The following ITGA9 variants were observed in gnomAD, a reference collection of about 807,000 sequenced individuals.
ITGA9 encodes the protein integrin alpha-9.
ITGA9 carries 56 observed loss-of-function variants against 127.8 expected under a neutral mutation model. That is an observed-to-expected ratio of 0.44 (90% CI 0.35 to 0.55). The LOEUF is 0.55. Among genes scored for constraint, ITGA9 ranks in the 20% least tolerant of loss-of-function variants. ITGA9 has a pLI of 0.00. For synonymous variants in ITGA9, 508 were observed against 514.5 expected, an observed-to-expected ratio of 0.99 and a Z score of 0.17; for missense variants, 1,196 against 1,347.1, an observed-to-expected ratio of 0.89 and a Z score of 1.76.
chr3:37,591,262 C>G (rs1699815414), intron 15 of ITGA9, among the ~76,000 whole-genome samples: 1 of 152,184 alleles, frequency 6.6e-6, no homozygotes, highest in African/African-American at 2.4e-5. Context: ...GTAAAAGGAC[C>G]ATTTGCCTAA....
intron 15 of ITGA9, among the ~76,000 whole-genome samples, chr3:37,600,387 C>T (rs1381453752): frequency 1.3e-5 from 2 of 152,130 alleles, no homozygotes; most frequent in South Asian, 2.1e-4. Flanking sequence ...TCAGTTTAAC[C>T]TGCTGTCCTA....
intron 15 of ITGA9, among the ~76,000 whole-genome samples, chr3:37,561,439 T>C (rs1445357484): frequency 6.6e-6 from 1 of 152,180 alleles, no homozygotes; most frequent in East Asian, 1.9e-4. Flanking sequence ...ATAAAACATA[T>C]GCAGTTCCTG....
chr3:37,619,524 C>A (rs1389217591), intron 15 of ITGA9, among the ~76,000 whole-genome samples: 2 of 152,210 alleles, frequency 1.3e-5, no homozygotes. Context: ...GAGCTTATCC[C>A]ACCCAGCAGC....
chr3:37,631,658 G>C (rs1320151547), intron 16 of ITGA9, among the ~76,000 whole-genome samples: 2 of 152,214 alleles, frequency 1.3e-5, no homozygotes, highest in Non-Finnish European at 2.9e-5. Context: ...ACATGGAAGA[G>C]CTGGCTTCCT....
At chr3:37,719,417 T>A (rs1449427578) in intron 18 of ITGA9, among the ~76,000 whole-genome samples, 1 of 152,070 alleles carries the variant, frequency 6.6e-6, no homozygotes, top group Non-Finnish European at 1.5e-5. Flanking sequence ...TCAGGCCCCA[T>A]CCCTTCATCT....
chr3:37,756,641 A>G (rs1174609085), intron 23 of ITGA9, among the ~76,000 whole-genome samples: 1 of 152,220 alleles, frequency 6.6e-6, no homozygotes, highest in Non-Finnish European at 1.5e-5. Flanking sequence ...CCTATCTCAC[A>G]CTGTAAGGAC....
intron 8 of ITGA9, among the ~76,000 whole-genome samples, 162 bp from the exon 9 acceptor site, chr3:37,513,601 A>T (rs1579077811): frequency 9.5e-6 from 1 of 105,262 alleles, no homozygotes; most frequent in African/African-American, 3.7e-5. Context: ...CCAACCCCAC[A>T]GCAGGCCCTG....
At chr3:37,713,443 A>G (rs567523973) in intron 18 of ITGA9, among the ~76,000 whole-genome samples, 5 of 152,290 alleles carry the variant, frequency 3.3e-5, no homozygotes, top group African/African-American at 1.2e-4. Context: ...GAAGGGACTG[A>G]TGCTGTCTCC....
intron 18 of ITGA9, among the ~76,000 whole-genome samples, chr3:37,693,604 G>A (rs1252447815): frequency 6.6e-6 from 1 of 152,196 alleles, no homozygotes; most frequent in Non-Finnish European, 1.5e-5. Flanking sequence ...AATCTGGATA[G>A]AGCAGGAAGG....
chr3:37,760,969 G>A (rs1696716716), intron 23 of ITGA9, among the ~76,000 whole-genome samples: 1 of 152,190 alleles, frequency 6.6e-6, no homozygotes, highest in African/African-American at 2.4e-5. Flanking sequence ...AAAAATGGTT[G>A]AAGTTATATG....
intron 23 of ITGA9, among the ~76,000 whole-genome samples, chr3:37,759,549 A>G (rs1337715978): frequency 6.6e-6 from 1 of 152,234 alleles, no homozygotes; most frequent in East Asian, 1.9e-4. Flanking sequence ...TGGAAATTAA[A>G]TAAATGAATA....
At chr3:37,524,696 G>A (rs189327404) in intron 12 of ITGA9, among the ~76,000 whole-genome samples, 1 of 152,298 alleles carries the variant, frequency 6.6e-6, no homozygotes. Context: ...AGGATAGGGT[G>A]TTTTCCCCAC....
Position 37,818,968 on chromosome 3 carries a change from C to T in ITGA9, c.3087C>T (p.Asp1029=). The T allele has an allele frequency of 6.2e-7, 1 of 1,613,730 alleles. No homozygotes were observed. Among genetic ancestry groups the T allele is most frequent in the South Asian group, 1.1e-5 (1 of 91,080 alleles). Residue 1029 remains aspartate (D), a synonymous_variant, in exon 28 of 28, where the codon GAC becomes GAT. Transcript: ENST00000264741. Reference sequence around the variant, plus strand: ...GGAAAGAGAATGAAGACAGTTGGGACTGGGTCCAGAAAAACCAGTGAGCTG... The same window carrying T: ...GGAAAGAGAATGAAGACAGTTGGGATTGGGTCCAGAAAAACCAGTGAGCTG... ...KNRKENEDSW[D]WVQKNQ
chr3:37,786,612 A>AAC (rs375907643), intron 26 of ITGA9, among the ~76,000 whole-genome samples: 3 of 62,098 alleles, frequency 4.8e-5, no homozygotes, highest in South Asian at 4.4e-4. Flanking sequence ...AAAAACAAAC[A>AAC]AACAAAAAAA....
intron 18 of ITGA9, among the ~76,000 whole-genome samples, chr3:37,693,787 C>T (rs1700856251): frequency 6.6e-6 from 1 of 152,216 alleles, no homozygotes; most frequent in South Asian, 2.1e-4. Context: ...AAGTGAGCCT[C>T]ATCCCTCAGT....
intron 18 of ITGA9, among the ~76,000 whole-genome samples, chr3:37,716,137 C>CA (rs1486403908): frequency 6.6e-6 from 1 of 152,214 alleles, no homozygotes; most frequent in Non-Finnish European, 1.5e-5. Context: ...TGTGAATTCT[C>CA]AAGCACTTCC....
At chr3:37,612,913 G>A (rs1189474362) in intron 15 of ITGA9, among the ~76,000 whole-genome samples, 1 of 151,716 alleles carries the variant, frequency 6.6e-6, no homozygotes, top group African/African-American at 2.4e-5. Flanking sequence ...GGAGGCCTGG[G>A]GCTGATCTGA....
chr3:37,481,513 C>T lies in ITGA9; in HGVS notation c.450C>T (p.Tyr150=). The change falls in exon 4 of 28, where the codon TAC becomes TAT. Residue 150 remains tyrosine (Y), a synonymous_variant. Coordinates refer to ENST00000264741, the MANE Select transcript of ITGA9 (RefSeq NM_002207.3). ...GTGCTCATCGCTGGAAGAACATCTA[C>T]TATGAAGCCGACCACATCCTACCCC... ...LACAHRWKNI[Y]YEADHILPHG... 6.2e-7 allele frequency: 1 copy of T among 1,614,230 alleles called. No homozygotes were observed. The highest frequency in any genetic ancestry group is 8.5e-7 in the Non-Finnish European group (1 of 1,180,038).
At chr3:37,552,251 T>A (rs1699385524) in intron 15 of ITGA9, among the ~76,000 whole-genome samples, 1 of 152,172 alleles carries the variant, frequency 6.6e-6, no homozygotes, top group South Asian at 2.1e-4. Context: ...GTCACACTTA[T>A]TCCTCTGTCA....
Sources: allele counts gnomAD v4.1 joint callset (sites outside exome capture counted in the v4.1 genomes callset), GRCh38; gene constraint gnomAD v4.1.1; transcripts MANE v1.5; gene names NCBI Gene and HGNC (gene_info 2026-07-23, HGNC 2026-07-21).